ASH1L: variants seen among roughly 807,000 people sequenced by gnomAD.
ASH1L encodes ASH1 like histone lysine methyltransferase.
ASH1L carries 23 observed loss-of-function variants against 269.0 expected under a neutral mutation model. That is an observed-to-expected ratio of 0.09 (90% CI 0.06 to 0.12). The LOEUF is 0.12. Among genes scored for constraint, ASH1L ranks in the 10% least tolerant of loss-of-function variants. The pLI, the probability that ASH1L is intolerant of heterozygous loss-of-function variation, is 1.00. For synonymous variants in ASH1L, 1,187 were observed against 1,253.5 expected, an observed-to-expected ratio of 0.95 and a Z score of 1.12; for missense variants, 2,912 against 3,567.8, an observed-to-expected ratio of 0.82 and a Z score of 4.68.
chr1:155,461,841 C>T (rs1357294609), intron 3 of ASH1L, among the ~76,000 whole-genome samples: 1 of 150,466 alleles, frequency 6.6e-6, no homozygotes, highest in Admixed American at 6.6e-5. Flanking sequence ...CTCTGTCTCC[C>T]AGGCTGGAGA....
At chr1:155,502,133 C>T (rs1489992479) in intron 2 of ASH1L, among the ~76,000 whole-genome samples, 1 of 145,716 alleles carries the variant, frequency 6.9e-6, no homozygotes, top group African/African-American at 2.5e-5. Flanking sequence ...TGCAATGGCG[C>T]GATCTTGGCT....
chr1:155,485,431 C>T (rs906138606), intron 2 of ASH1L, among the ~76,000 whole-genome samples: 4 of 152,170 alleles, frequency 2.6e-5, no homozygotes, highest in African/African-American at 9.7e-5. Context: ...CCATCCTCCC[C>T]CCGCTCAGCC....
At chr1:155,371,694 CTTT>C (rs1269263101) in intron 10 of ASH1L, among the ~76,000 whole-genome samples, 1 of 137,414 alleles carries the variant, frequency 7.3e-6, no homozygotes. Context: ...ACCTAATTTA[CTTT>C]TTTTTTTTTT....
At chr1:155,411,653 T>C (rs1659820325) in intron 6 of ASH1L, among the ~76,000 whole-genome samples, 2 of 135,194 alleles carry the variant, frequency 1.5e-5, no homozygotes, top group Admixed American at 1.6e-4. Flanking sequence ...TTAACTCCCA[T>C]AGTCCCTGTT....
intron 6 of ASH1L, among the ~76,000 whole-genome samples, chr1:155,405,471 G>C (rs1659202033): frequency 6.6e-6 from 1 of 151,938 alleles, no homozygotes; most frequent in African/African-American, 2.4e-5. Context: ...GACAGAGTGA[G>C]ACTCAGTCTC....
Position 155,480,504 on chromosome 1 carries a change from G to A in ASH1L, c.2366C>T (p.Ser789Phe), listed in dbSNP as rs1458222908. ...TTCACTATCAGCTAAGAGAGCAAGA[G>A]ATGGAGCTGTGGATTTGCTCAACTT... ...LPKLSKSTAP[S>F]LALLADSEKP... The change falls in exon 3 of 28, where the codon TCT becomes TTT. Residue 789 changes from serine (S) to phenylalanine (F), a missense_variant. By Grantham distance (155) the Ser-to-Phe change is radical. Coordinates refer to ENST00000392403, the MANE Select transcript of ASH1L (RefSeq NM_018489.3). The A allele has an allele frequency of 2.5e-6, 4 of 1,614,130 alleles. No individual in the cohort carries two copies. The South Asian group carries it at 3.3e-5, about 13-fold the overall frequency.
intron 4 of ASH1L, among the ~76,000 whole-genome samples, chr1:155,443,958 C>G (rs1264621030): frequency 3.3e-5 from 5 of 149,308 alleles, no homozygotes; most frequent in African/African-American, 1.2e-4. Context: ...GGGTGAATAC[C>G]TAAGACTGGA....
At chr1:155,362,436 G>A (rs1374883439) in intron 12 of ASH1L, among the ~76,000 whole-genome samples, 1 of 149,798 alleles carries the variant, frequency 6.7e-6, no homozygotes, top group Admixed American at 6.7e-5. Flanking sequence ...TATCATTATA[G>A]CTAACATTTA....
At chr1:155,349,643 G>C (rs1008890179) in intron 17 of ASH1L, 47 bp from the exon 18 acceptor site, 16 of 1,567,918 alleles carry the variant, frequency 1.0e-5, no homozygotes, top group Non-Finnish European at 1.4e-5. Flanking sequence ...CCATACAAGG[G>C]AGGCAAGCAT....
intron 5 of ASH1L, among the ~76,000 whole-genome samples, chr1:155,427,690 C>T (rs1022459036): frequency 7.2e-5 from 11 of 152,226 alleles, no homozygotes; most frequent in Middle Eastern, 3.4e-3. Context: ...CCACCCACCT[C>T]GGCCTCCCAA....
chr1:155,495,602 T>A (rs1667093777), intron 2 of ASH1L, among the ~76,000 whole-genome samples: 1 of 152,204 alleles, frequency 6.6e-6, no homozygotes, highest in Admixed American at 6.5e-5. Flanking sequence ...GAATGCTCAG[T>A]GACTGTGAAG....
At chr1:155,386,024 C>T (rs1657398181) in intron 7 of ASH1L, among the ~76,000 whole-genome samples, 1 of 151,772 alleles carries the variant, frequency 6.6e-6, no homozygotes, top group Non-Finnish European at 1.5e-5. Context: ...TGATTGTTGG[C>T]CACGTATATG....
chr1:155,485,983 A>G (rs143382579), intron 2 of ASH1L, among the ~76,000 whole-genome samples: 6 of 152,228 alleles, frequency 3.9e-5, no homozygotes, highest in East Asian at 1.9e-4. Context: ...TCTTCCTAAG[A>G]GTAAAGTGAA....
At position 155,478,547 on chromosome 1, in the gene ASH1L, C is replaced by T; in HGVS notation, c.4323G>A (p.Lys1441=). The part of the protein sequence containing the change: ...HLLLNPAKYH[K]KKHKLLRQEA... Reference sequence around the variant, plus strand: ...CCTGTCGAAGTAGCTTATGCTTTTTCTTATGGTATTTGGCAGGATTGAGAA... The same window carrying T: ...CCTGTCGAAGTAGCTTATGCTTTTTTTTATGGTATTTGGCAGGATTGAGAA... Residue 1441 remains lysine, a synonymous_variant, in exon 3 of 28, where the codon AAG becomes AAA. Transcript: ENST00000392403. The surrounding 1 kb of genome is among the most constrained non-coding windows in gnomAD (Gnocchi z 4.6). The T allele has an allele frequency of 1.3e-5, 21 of 1,614,032 alleles. No individual in the cohort carries two copies. The highest frequency in any genetic ancestry group is 1.8e-5 in the Non-Finnish European group (21 of 1,180,014).
chr1:155,533,277 T>G (rs528959212), intron 1 of ASH1L, among the ~76,000 whole-genome samples: 207 of 152,156 alleles, frequency 1.4e-3, no homozygotes, highest in Non-Finnish European at 2.3e-3. Flanking sequence ...ACATATATTA[T>G]CTCATTTAAG....
At chr1:155,411,586 A>AATAAATAAATAAAT (rs1297131961) in intron 6 of ASH1L, among the ~76,000 whole-genome samples, 8 of 55,176 alleles carry the variant, frequency 1.4e-4, no homozygotes, top group Admixed American at 2.5e-4. Flanking sequence ...TAAATAAATA[A>AATAAATAAATAAAT]ATATATATAT....
intron 17 of ASH1L, 113 bp from the exon 18 acceptor site, chr1:155,349,709 CTTTT>C (rs993462774): frequency 7.4e-3 from 2,190 of 294,290 alleles, no homozygotes; most frequent in Middle Eastern, 0.018. Context: ...AAATCCAAGT[CTTTT>C]TTTTTTTTTT....
chr1:155,433,057 C>G, intron 5 of ASH1L: 2 of 1,082,236 alleles, frequency 1.8e-6, no homozygotes, highest in Non-Finnish European at 2.6e-6. Flanking sequence ...TCCTCCTTGT[C>G]AGTGTTTTAA....
intron 10 of ASH1L, among the ~76,000 whole-genome samples, chr1:155,374,240 G>T (rs951640250): frequency 6.6e-6 from 1 of 151,986 alleles, no homozygotes; most frequent in South Asian, 2.1e-4. Flanking sequence ...TAGGAGAATC[G>T]CTTGAACCTG....
Sources: allele counts gnomAD v4.1 joint callset (sites outside exome capture counted in the v4.1 genomes callset), GRCh38; gene constraint gnomAD v4.1.1; non-coding constraint Gnocchi (gnomAD v3.1); transcripts MANE v1.5; gene names NCBI Gene and HGNC (gene_info 2026-07-23, HGNC 2026-07-21).